The following CDH18 variants were observed in gnomAD, a reference collection of about 807,000 sequenced individuals.
The protein encoded by CDH18 is cadherin 18.
CDH18 carries 31 observed loss-of-function variants against 67.9 expected under a neutral mutation model. The ratio of observed to expected loss-of-function variants is 0.46; its 90% CI spans 0.34 to 0.62. The LOEUF (loss-of-function observed/expected upper bound fraction) is 0.62. Among genes scored for constraint, CDH18 ranks in the 20% least tolerant of loss-of-function variants. CDH18 has a pLI of 0.01. For synonymous variants in CDH18, 362 were observed against 347.2 expected, an observed-to-expected ratio of 1.04 and a Z score of -0.48; for missense variants, 890 against 975.5, an observed-to-expected ratio of 0.91 and a Z score of 1.17.
intron 2 of CDH18, among the ~76,000 whole-genome samples, chr5:20,086,884 A>G (rs571349944): frequency 6.6e-6 from 1 of 152,290 alleles, no homozygotes; most frequent in South Asian, 2.1e-4. Context: ...TCCATTCTGC[A>G]GCTCATGGGT....
chr5:20,075,664 G>C (rs1743865685), intron 2 of CDH18, among the ~76,000 whole-genome samples: 1 of 152,156 alleles, frequency 6.6e-6, no homozygotes, highest in South Asian at 2.1e-4. Context: ...TTCATGCGAG[G>C]AGAAGGCTAA....
At chr5:19,873,640 T>C (rs960761017) in intron 2 of CDH18, among the ~76,000 whole-genome samples, 1 of 152,082 alleles carries the variant, frequency 6.6e-6, no homozygotes, top group African/African-American at 2.4e-5. Flanking sequence ...TTTCAAAATA[T>C]CAAAAAAAAC....
intron 5 of CDH18, among the ~76,000 whole-genome samples, chr5:19,656,818 A>G (rs1215996073): frequency 6.6e-6 from 1 of 151,928 alleles, no homozygotes; most frequent in Non-Finnish European, 1.5e-5. Flanking sequence ...TCCAAGCAGA[A>G]CATTATATGT....
intron 1 of CDH18, among the ~76,000 whole-genome samples, chr5:20,485,277 C>A (rs919315290): frequency 2.6e-5 from 4 of 152,138 alleles, no homozygotes; most frequent in Non-Finnish European, 4.4e-5. Context: ...CTAAGACTGA[C>A]TAATGGCTTG....
At chr5:19,835,943 T>C (rs1017379869) in intron 3 of CDH18, among the ~76,000 whole-genome samples, 2 of 152,096 alleles carry the variant, frequency 1.3e-5, no homozygotes, top group Non-Finnish European at 2.9e-5. Context: ...TGTGAGGAGC[T>C]CTCAACCATA....
At chr5:19,963,156 G>A (rs929779251) in intron 2 of CDH18, among the ~76,000 whole-genome samples, 2 of 152,014 alleles carry the variant, frequency 1.3e-5, no homozygotes, top group Non-Finnish European at 1.5e-5. Flanking sequence ...TTCATTCACT[G>A]AAATCACACA....
intron 2 of CDH18, among the ~76,000 whole-genome samples, chr5:20,245,866 A>G (rs1301466927): frequency 2.0e-5 from 3 of 152,124 alleles, no homozygotes; most frequent in African/African-American, 7.2e-5. Context: ...AGGGAGTAAT[A>G]TATACCTAAT....
intron 1 of CDH18, among the ~76,000 whole-genome samples, chr5:20,570,635 C>T (rs372037937): frequency 2.0e-5 from 3 of 152,084 alleles, no homozygotes; most frequent in East Asian, 3.9e-4. Flanking sequence ...GTAACCTGGG[C>T]CAAGATCCTC....
At chr5:19,595,147 A>C (rs748241346) in intron 6 of CDH18, among the ~76,000 whole-genome samples, 9 of 152,202 alleles carry the variant, frequency 5.9e-5, no homozygotes, top group Non-Finnish European at 1.2e-4. Context: ...ACTAATAAAA[A>C]TTATTTGAAA....
At chr5:19,922,470 T>C (rs1310355871) in intron 2 of CDH18, among the ~76,000 whole-genome samples, 2 of 152,194 alleles carry the variant, frequency 1.3e-5, no homozygotes, top group East Asian at 3.9e-4. Flanking sequence ...GCCTGTCATA[T>C]AAGCATCAAA....
intron 1 of CDH18, among the ~76,000 whole-genome samples, chr5:20,543,082 G>T (rs1309664444): frequency 6.6e-6 from 1 of 151,756 alleles, no homozygotes; most frequent in Non-Finnish European, 1.5e-5. Context: ...TTAATAAATG[G>T]CTTAACCTCT....
At chr5:20,097,983 A>T (rs1420372449) in intron 2 of CDH18, among the ~76,000 whole-genome samples, 1 of 152,016 alleles carries the variant, frequency 6.6e-6, no homozygotes, top group African/African-American at 2.4e-5. Context: ...ATTAGATTAT[A>T]TAATTTCTTC....
chr5:20,313,436 T>C (rs999127138), intron 1 of CDH18, among the ~76,000 whole-genome samples: 6 of 152,116 alleles, frequency 3.9e-5, no homozygotes, highest in African/African-American at 1.4e-4. Context: ...AACATCTTTA[T>C]TGTTTATGTT....
intron 5 of CDH18, among the ~76,000 whole-genome samples, chr5:19,618,211 CTT>C (rs1197243032): frequency 2.1e-5 from 3 of 145,174 alleles, no homozygotes. Flanking sequence ...ATTTTTCTTT[CTT>C]TTTTTTTTTT....
At chr5:20,135,427 G>T (rs1056984158) in intron 2 of CDH18, among the ~76,000 whole-genome samples, 1 of 151,964 alleles carries the variant, frequency 6.6e-6, no homozygotes, top group Non-Finnish European at 1.5e-5. Flanking sequence ...CTGTGGGATC[G>T]GTGGTTATAT....
chr5:19,638,026 C>T (rs1194697011), intron 5 of CDH18, among the ~76,000 whole-genome samples: 1 of 152,200 alleles, frequency 6.6e-6, no homozygotes, highest in Admixed American at 6.5e-5. Flanking sequence ...CTCTTCACAA[C>T]TTCTGACAGC....
intron 3 of CDH18, among the ~76,000 whole-genome samples, chr5:19,833,580 G>C (rs769940415): frequency 5.9e-5 from 9 of 152,030 alleles, no homozygotes; most frequent in Non-Finnish European, 1.0e-4. Context: ...GGTGAGAGAG[G>C]GCATCGTTGT....
At chr5:20,295,848 T>A (rs1393615326) in intron 1 of CDH18, among the ~76,000 whole-genome samples, 81 of 150,656 alleles carry the variant, frequency 5.4e-4, no homozygotes, top group African/African-American at 1.7e-3. Context: ...GCAGACATTT[T>A]ATTTTATTTT....
chr5:19,599,602 A>T (rs957702048), intron 6 of CDH18, among the ~76,000 whole-genome samples: 5 of 152,108 alleles, frequency 3.3e-5, no homozygotes, highest in African/African-American at 1.2e-4. Context: ...GTAAAGAGTG[A>T]CTAAAAAAAC....
Sources: gnomAD v4.1 joint callset for allele counts (sites outside exome capture counted in the v4.1 genomes callset) on GRCh38, gnomAD v4.1.1 for gene constraint, MANE v1.5 for transcripts, NCBI Gene and HGNC (gene_info 2026-07-23, HGNC 2026-07-21) for gene names.